The following PLA2R1 variants were observed in gnomAD, a reference collection of about 807,000 sequenced individuals.
PLA2R1 encodes phospholipase A2 receptor 1, also known as secretory phospholipase A2 receptor.
Under a neutral mutation model 195.9 loss-of-function variants are expected in PLA2R1, and 158 were observed. The observed-to-expected ratio is 0.81, with a 90% CI of 0.71 to 0.92. The LOEUF (loss-of-function observed/expected upper bound fraction) is 0.92. Ranked by LOEUF, PLA2R1 falls within the 40% of genes least tolerant of loss-of-function variation. The probability of loss-of-function intolerance (pLI) is 0.00; values close to 1 mark genes in which losing one functional copy is unlikely to be tolerated. For synonymous variants in PLA2R1, 586 were observed against 598.2 expected (o/e 0.98, Z 0.30); for missense variants, 1,626 against 1,764.6 (o/e 0.92, Z 1.41).
Position 159,932,310 on chromosome 2 carries a change from G to A in PLA2R1, c.*9468C>T, listed in dbSNP as rs1686624061. The A allele has an allele frequency of 6.6e-6, 1 of 152,292 alleles. No individual in the cohort carries two copies. Among genetic ancestry groups the A allele is most frequent in the African/African-American group, 2.4e-5 (1 of 41,438 alleles). The allele number at this position is 152,292 out of a possible 1,614,324, so 9.4% of individuals were successfully genotyped here. A position where few individuals can be genotyped will look rare whatever the true frequency, so the allele number is the denominator to read the frequency against. ...CCTTTAGGTGTCATCTGGAGTAAAA[G>A]GGAAGGAAACAATTCCTTGTCTGAT... On this transcript the variant is annotated 3_prime_UTR_variant, in exon 30 of 30. Coordinates refer to ENST00000283243, the MANE Select transcript of PLA2R1 (RefSeq NM_007366.5).
At chr2:159,931,880 A>G (rs903665432), downstream of PLA2R1, 1 of 152,256 alleles carries the variant, frequency 6.6e-6, no homozygotes, top group Non-Finnish European at 1.5e-5. Context: ...ATGTGTTCTA[A>G]TAGAAAATAA....
intron 1 of PLA2R1, among the ~76,000 whole-genome samples, chr2:160,047,443 T>C (rs935908438): frequency 6.6e-6 from 1 of 152,218 alleles, no homozygotes; most frequent in South Asian, 2.1e-4. Flanking sequence ...TCATCATCCC[T>C]CAAAGGCTTC....
intron 1 of PLA2R1, among the ~76,000 whole-genome samples, chr2:160,048,875 C>G (rs1404051625): frequency 4.3e-5 from 6 of 140,036 alleles, no homozygotes; most frequent in Non-Finnish European, 9.1e-5. Context: ...GAGTCTCGCT[C>G]TGTCACCCAG....
chr2:159,948,642 C>CAAAAAA (rs56329076), intron 25 of PLA2R1, among the ~76,000 whole-genome samples: 1 of 95,836 alleles, frequency 1.0e-5, no homozygotes, highest in Non-Finnish European at 2.0e-5. Flanking sequence ...CAAGTGCTAA[C>CAAAAAA]AAAAAAAAAA....
At chr2:159,969,410 T>G (rs758710266) in intron 18 of PLA2R1, 51 bp from the exon 19 acceptor site, 1 of 928,642 alleles carries the variant, frequency 1.1e-6, no homozygotes, top group Non-Finnish European at 1.8e-6. Flanking sequence ...GCATGTCCAG[T>G]CTCCAACATC....
In PLA2R1 at chr2:159,989,245, GC is replaced by G. The variant is rs1482954424; in HGVS notation, c.1835-1888del. 1.3e-5 allele frequency among the ~76,000 whole-genome samples: 2 copies of G among 152,182 alleles called. 1 individual carries two copies. Among genetic ancestry groups the G allele is most frequent in the Non-Finnish European group, 2.9e-5 (2 of 68,038 alleles). On this transcript the variant is annotated intron_variant, in intron 11 of 29. Coordinates refer to ENST00000283243, the MANE Select transcript of PLA2R1 (RefSeq NM_007366.5). ...TGCAACTGCCCCTGCCATTAATGGAGCTTTGCAGGCCTGTTGAATAATTTCA... is the reference window on the plus strand; with the variant it reads ...TGCAACTGCCCCTGCCATTAATGGAGTTTGCAGGCCTGTTGAATAATTTCA...
intron 8 of PLA2R1, among the ~76,000 whole-genome samples, chr2:160,017,963 G>A (rs919544824): frequency 2.0e-5 from 3 of 152,192 alleles, no homozygotes; most frequent in Non-Finnish European, 4.4e-5. Context: ...ACTGTTAGAT[G>A]AATGGAAGAA....
At chr2:159,988,547 T>C (rs140974545) in intron 11 of PLA2R1, among the ~76,000 whole-genome samples, 2 of 152,288 alleles carry the variant, frequency 1.3e-5, no homozygotes, top group Admixed American at 1.3e-4. Context: ...AGTAAAACAT[T>C]TGCAGGAAGT....
At position 160,028,329 on chromosome 2, in the gene PLA2R1, A is replaced by G; in HGVS notation, c.988T>C (p.Cys330Arg). The change falls in exon 6 of 30, where the codon TGT becomes CGT. Residue 330 changes from cysteine (C) to arginine (R), a missense_variant. By Grantham distance (180) the Cys-to-Arg change is radical (BLOSUM62 -3). Transcript: ENST00000283243. ...GGCATAAATGAACTAAATGTTCCAC[A>G]GTGATCTTCAACAAATGGCTCAAAA... Reference protein sequence around the residue: ...VNFEPFVEDHCGTFSSFMPSA... With the variant: ...VNFEPFVEDHRGTFSSFMPSA... 1.9e-6 allele frequency: 3 copies of G among 1,609,162 alleles called. No homozygotes were observed. Among genetic ancestry groups the G allele is most frequent in the Non-Finnish European group, 2.5e-6 (3 of 1,176,646 alleles).
chr2:159,933,308 G>C lies in PLA2R1; in HGVS notation c.*8470C>G, dbSNP rs1686665831. 1 of 152,120 alleles carries C rather than the reference G, an allele frequency of 6.6e-6. No homozygotes were observed. The highest frequency in any genetic ancestry group is 1.5e-5 in the Non-Finnish European group (1 of 68,012). 9.4% of individuals were successfully genotyped at this position (152,120 alleles called of 1,614,324 possible). A position where few individuals can be genotyped will look rare whatever the true frequency, so the allele number is the denominator to read the frequency against. On this transcript the variant is annotated 3_prime_UTR_variant, in exon 30 of 30. Transcript: ENST00000283243. The stretch of plus-strand genomic sequence containing the variant: ...TCATTAGGTATTAGAGGAACATGCA[G>C]ATTTTCACTTTTTTAAATCCAGAAT...
At chr2:160,013,402 G>T in intron 9 of PLA2R1, 27 bp from the exon 10 acceptor site, 1 of 1,315,960 alleles carries the variant, frequency 7.6e-7, no homozygotes, top group Non-Finnish European at 1.1e-6. Flanking sequence ...GGGAAATTAA[G>T]GACACAATCT....
At chr2:159,950,569 T>G (rs1402943047) in intron 24 of PLA2R1, among the ~76,000 whole-genome samples, 1 of 152,262 alleles carries the variant, frequency 6.6e-6, no homozygotes, top group African/African-American at 2.4e-5. Context: ...TGCTGCGTTC[T>G]AAAGAATTCA....
At chr2:159,996,285 T>A (rs1445185839) in intron 11 of PLA2R1, among the ~76,000 whole-genome samples, 1 of 152,050 alleles carries the variant, frequency 6.6e-6, no homozygotes, top group Admixed American at 6.6e-5. Context: ...TTCTCCTTCA[T>A]TTTTAAAGGA....
intron 13 of PLA2R1, among the ~76,000 whole-genome samples, chr2:159,982,426 G>A (rs960502604): frequency 1.3e-5 from 2 of 152,192 alleles, no homozygotes; most frequent in African/African-American, 2.4e-5. Flanking sequence ...AGCATTTCCC[G>A]TAGGGACTAG....
intron 25 of PLA2R1, 150 bp from the exon 26 acceptor site, chr2:159,947,709 G>T: frequency 1.2e-5 from 9 of 779,918 alleles, no homozygotes; most frequent in Non-Finnish European, 1.9e-5. Context: ...TCATGTAAAT[G>T]ATTATAAAAC....
Position 159,998,679 on chromosome 2 carries a change from T to C in PLA2R1, c.1834+6973A>G, listed in dbSNP as rs1223588430. 2.0e-5 allele frequency among the ~76,000 whole-genome samples: 3 copies of C among 152,290 alleles called. No homozygotes were observed. The East Asian group carries it at 5.8e-4, about 29-fold the overall frequency. On this transcript the variant is annotated intron_variant, in intron 11 of 29. Coordinates refer to ENST00000283243, the MANE Select transcript of PLA2R1 (RefSeq NM_007366.5). ...TTATCTTTTACAACTCTTTTGCATG[T>C]ATCTTAATCTCTAATTACACAGTGC...
chr2:159,971,112 G>A (rs1212779182), intron 17 of PLA2R1, among the ~76,000 whole-genome samples: 2 of 151,984 alleles, frequency 1.3e-5, no homozygotes, highest in Non-Finnish European at 2.9e-5. Flanking sequence ...AATAAAAAAA[G>A]GAACCAGATT....
At chr2:159,952,581 C>T (rs1687812168) in intron 23 of PLA2R1, among the ~76,000 whole-genome samples, 1 of 152,150 alleles carries the variant, frequency 6.6e-6, no homozygotes, top group Admixed American at 6.6e-5. Flanking sequence ...GGTCATGAGG[C>T]TGGGACTTAA....
rs532858281 is a variant in PLA2R1, at chr2:160,029,166, A to C, written c.842-203T>G. Among the ~76,000 whole-genome samples the C allele has an allele frequency of 1.1e-4, 16 of 152,308 alleles. No homozygotes were observed. The South Asian group carries it at 3.3e-3, about 32-fold the overall frequency. On this transcript the variant is annotated intron_variant, in intron 4 of 29. Coordinates refer to ENST00000283243, the MANE Select transcript of PLA2R1 (RefSeq NM_007366.5). ...GCAGGCTCACTGACAGCTGTTTTTC[A>C]ACTGTGAATGCTTCATGCAAGTACC...
Sources: allele counts gnomAD v4.1 joint callset (sites outside exome capture counted in the v4.1 genomes callset), GRCh38; gene constraint gnomAD v4.1.1; transcripts MANE v1.5; gene names NCBI Gene and HGNC (gene_info 2026-07-23, HGNC 2026-07-21).